CHODL: variants seen among roughly 807,000 people sequenced by gnomAD.
CHODL encodes chondrolectin.
In CHODL, 29 loss-of-function variants were observed where a neutral mutation model predicts 34.5. The ratio of observed to expected loss-of-function variants is 0.84; its 90% confidence interval spans 0.63 to 1.15. The LOEUF (loss-of-function observed/expected upper bound fraction) is 1.15, where lower values mean the gene tolerates loss of function less well. Ranked by LOEUF, CHODL falls within the 50% of genes most tolerant of loss-of-function variation. The probability of loss-of-function intolerance (pLI) is 0.00; values close to 1 mark genes in which losing one functional copy is unlikely to be tolerated. For missense variants in CHODL, 332 were observed against 332.5 expected, an observed-to-expected ratio of 1.00 and a Z score of 0.01; for synonymous variants, 125 against 116.1, an observed-to-expected ratio of 1.08 and a Z score of -0.49.
chr21:18,028,867 A>G (rs1041875223), intron 2 of CHODL, among the ~76,000 whole-genome samples: 2 of 152,124 alleles, frequency 1.3e-5, no homozygotes, highest in African/African-American at 4.8e-5. Context: ...AGACAGATAT[A>G]TGTTTTGTCA....
intron 2 of CHODL, among the ~76,000 whole-genome samples, chr21:18,099,757 T>C (rs1307038073): frequency 2.0e-5 from 3 of 152,122 alleles, no homozygotes; most frequent in Non-Finnish European, 2.9e-5. Context: ...GAAAACTACT[T>C]CTCCACACCA....
At chr21:18,100,247 A>G (rs2065196899) in intron 2 of CHODL, among the ~76,000 whole-genome samples, 1 of 152,164 alleles carries the variant, frequency 6.6e-6, no homozygotes, top group African/African-American at 2.4e-5. Flanking sequence ...TACATTGTCA[A>G]TCTTAAAACT....
intron 1 of CHODL, among the ~76,000 whole-genome samples, chr21:17,936,287 C>T (rs920457597): frequency 3.3e-5 from 5 of 152,052 alleles, no homozygotes; most frequent in African/African-American, 4.8e-5. Flanking sequence ...TGATGGGTTA[C>T]GAGGTACAAA....
intron 1 of CHODL, among the ~76,000 whole-genome samples, chr21:17,930,935 G>A (rs2063267412): frequency 2.6e-5 from 4 of 152,236 alleles, no homozygotes; most frequent in African/African-American, 9.6e-5. Flanking sequence ...CACGGGACAG[G>A]TGTTTTCCCT....
chr21:17,943,251 G>T (rs959136378), intron 1 of CHODL, among the ~76,000 whole-genome samples: 19 of 152,142 alleles, frequency 1.2e-4, no homozygotes, highest in Non-Finnish European at 1.9e-4. Flanking sequence ...GGGCATAAAA[G>T]AATAATTTAG....
intron 2 of CHODL, among the ~76,000 whole-genome samples, chr21:18,071,701 T>C (rs189639599): frequency 1.1e-3 from 175 of 152,340 alleles, no homozygotes; most frequent in Admixed American, 4.9e-3. Flanking sequence ...AAAGTGATTA[T>C]ACATTTCTAT....
chr21:17,960,602 C>T (rs566283792), intron 1 of CHODL, among the ~76,000 whole-genome samples: 1 of 152,330 alleles, frequency 6.6e-6, no homozygotes, highest in African/African-American at 2.4e-5. Flanking sequence ...CACCAACTGT[C>T]ATTCCTGTCT....
At chr21:18,229,413 G>A (rs146631968) in intron 2 of CHODL, among the ~76,000 whole-genome samples, 7 of 152,234 alleles carry the variant, frequency 4.6e-5, no homozygotes, top group African/African-American at 1.7e-4. Flanking sequence ...GATATATCTG[G>A]CATTCTGAGA....
chr21:18,228,671 T>TA (rs2073953036), intron 2 of CHODL, among the ~76,000 whole-genome samples: 1 of 152,154 alleles, frequency 6.6e-6, no homozygotes. Flanking sequence ...AAAACTCTAT[T>TA]ATCTGCCCTG....
rs757682563 is a variant in CHODL at position 18,257,091 on chromosome 21, A to G, written c.511A>G (p.Asn171Asp). The G allele has an allele frequency of 1.6e-5, 26 of 1,613,398 alleles. 2 individuals carry two copies. The South Asian group carries it at 2.7e-4, about 17-fold the overall frequency. ...TTACCAGTGGAATGATGACAGGTGT[A>G]ACATGAAGCACAATTATATTTGCAA... ...YLYQWNDDRC[N>D]MKHNYICKYE... is the part of the protein sequence containing the mutation. Residue 171 changes from asparagine (N) to aspartate (D), a missense_variant, in exon 3 of 6, where the codon AAC becomes GAC. Transcript: ENST00000299295.
intron 2 of CHODL, among the ~76,000 whole-genome samples, chr21:18,229,637 G>A (rs753556579): frequency 3.9e-5 from 6 of 152,086 alleles, no homozygotes; most frequent in African/African-American, 9.7e-5. Flanking sequence ...GTGTTAGGGT[G>A]GGGGAGAATG....
chr21:18,202,912 T>TTATC (rs113448832), intron 2 of CHODL, among the ~76,000 whole-genome samples: 12,780 of 152,182 alleles, frequency 0.084, 728 homozygotes, highest in South Asian at 0.15. Context: ...CAAAGCCAGC[T>TTATC]TATCGTTCAA....
In CHODL at chr21:17,960,058, G is replaced by A. The variant is rs1232430777; in HGVS notation, c.-145+42658G>A. ...TTGACAGAGAAGCCTGTCTTGTGTTGGATGACGTAGCTGGGTATAATGTAT... is the reference window on the plus strand; with the variant it reads ...TTGACAGAGAAGCCTGTCTTGTGTTAGATGACGTAGCTGGGTATAATGTAT... On this transcript the variant is annotated intron_variant, in intron 1 of 6. Transcript: ENST00000400127. Among the ~76,000 whole-genome samples the A allele has an allele frequency of 2.0e-5, 3 of 152,088 alleles. No individual in the cohort carries two copies. The East Asian group carries it at 5.8e-4, about 29-fold the overall frequency.
rs572557982 is a variant in CHODL at position 18,052,043 on chromosome 21, C to T, written c.-45+24072C>T. 5.3e-5 allele frequency among the ~76,000 whole-genome samples: 8 copies of T among 151,756 alleles called. No homozygotes were observed. The South Asian group carries it at 1.0e-3, about 20-fold the overall frequency. On this transcript the variant is annotated intron_variant, in intron 2 of 6. Transcript: ENST00000400127. ...TCAGATTAGCTGTTTTGTCATTATC[C>T]GCCTCTTTAGAAGTTTGTTTTGCGG... is the stretch of plus-strand genomic sequence containing the variant.
At chr21:18,213,000 T>G (rs1026599165) in intron 2 of CHODL, among the ~76,000 whole-genome samples, 1 of 152,140 alleles carries the variant, frequency 6.6e-6, no homozygotes, top group Non-Finnish European at 1.5e-5. Flanking sequence ...GCATTCAGCA[T>G]TTAGGAAACA....
At chr21:18,093,785 C>A (rs1286704879) in intron 2 of CHODL, among the ~76,000 whole-genome samples, 1 of 151,910 alleles carries the variant, frequency 6.6e-6, no homozygotes, top group Non-Finnish European at 1.5e-5. Context: ...CAGAGAAAAT[C>A]ACCTTCACTA....
intron 2 of CHODL, among the ~76,000 whole-genome samples, chr21:18,213,362 C>A (rs2073792244): frequency 6.6e-6 from 1 of 152,018 alleles, no homozygotes; most frequent in African/African-American, 2.4e-5. Context: ...AACAAAATGT[C>A]CCAAAGGTAC....
intron 2 of CHODL, among the ~76,000 whole-genome samples, chr21:18,215,887 T>C (rs73316267): frequency 0.11 from 17,114 of 152,148 alleles, 1,574 homozygotes; most frequent in African/African-American, 0.25. Flanking sequence ...ATGGGGAGGA[T>C]ACAGTGACAT....
chr21:18,148,443 G>A (rs1211018098), intron 2 of CHODL, among the ~76,000 whole-genome samples: 1 of 151,984 alleles, frequency 6.6e-6, no homozygotes, highest in African/African-American at 2.4e-5. Flanking sequence ...GAAGAGAAAT[G>A]ATAGAATACA....
Sources: gnomAD v4.1 joint callset for allele counts (sites outside exome capture counted in the v4.1 genomes callset) on GRCh38, gnomAD v4.1.1 for gene constraint, MANE v1.5 for transcripts, NCBI Gene and HGNC (gene_info 2026-07-23, HGNC 2026-07-21) for gene names.